CACNA1A: variants seen among roughly 807,000 people sequenced by gnomAD.
CACNA1A encodes the protein calcium voltage-gated channel subunit alpha1 A.
A neutral mutation model predicts 262.4 loss-of-function variants in CACNA1A; 57 were observed. That is an observed-to-expected ratio of 0.22 (90% CI 0.18 to 0.27). The LOEUF (loss-of-function observed/expected upper bound fraction) is 0.27. CACNA1A is among the 10% of genes least tolerant of loss of function. The probability of loss-of-function intolerance (pLI) is 1.00; values close to 1 mark genes in which losing one functional copy is unlikely to be tolerated. For synonymous variants in CACNA1A, 1,431 were observed against 1,419.3 expected, an observed-to-expected ratio of 1.01 and a Z score of -0.18; for missense variants, 2,526 against 3,562.8, an observed-to-expected ratio of 0.71 and a Z score of 7.41.
At chr19:13,444,243 C>A (rs906215338) in intron 3 of CACNA1A, among the ~76,000 whole-genome samples, 11 of 152,074 alleles carry the variant, frequency 7.2e-5, no homozygotes, top group African/African-American at 2.7e-4. Flanking sequence ...GATGACTGAT[C>A]CATGGAGGGG....
At chr19:13,445,043 G>C (rs186396960) in intron 3 of CACNA1A, among the ~76,000 whole-genome samples, 1 of 151,878 alleles carries the variant, frequency 6.6e-6, no homozygotes, top group Non-Finnish European at 1.5e-5. Flanking sequence ...AGAAGGCTGA[G>C]GCAGGAGAAT....
chr19:13,239,462 C>G (rs1015142071), intron 31 of CACNA1A, among the ~76,000 whole-genome samples: 1 of 152,212 alleles, frequency 6.6e-6, no homozygotes, highest in Non-Finnish European at 1.5e-5. Flanking sequence ...CTGCCTCCCC[C>G]ACCTGACTGT....
At chr19:13,254,382 G>A (rs2056486277) in intron 29 of CACNA1A, among the ~76,000 whole-genome samples, 1 of 149,408 alleles carries the variant, frequency 6.7e-6, no homozygotes, top group South Asian at 2.1e-4. Context: ...TTTTTTTTGA[G>A]ATGGAGTCTT....
At position 13,444,861 on chromosome 19, in the gene CACNA1A, G is replaced by A. The variant is rs116454490; in HGVS notation, c.539+8015C>T. On this transcript the variant is annotated intron_variant, in intron 3 of 46. Coordinates refer to ENST00000360228, the MANE Select transcript of CACNA1A (RefSeq NM_001127222.2). ...GCCTTAAAATCCAATGATGCGGCCC[G>A]GTGCGGTGGCTCACGCTTGTAATCT... Among the ~76,000 whole-genome samples the A allele has an allele frequency of 6.7e-3, 1,023 of 152,202 alleles. 17 individuals are homozygous for A. The highest frequency in any genetic ancestry group is 0.022 in the African/African-American group (922 of 41,522).
At chr19:13,292,875 C>G (rs2057574062) in intron 19 of CACNA1A, among the ~76,000 whole-genome samples, 1 of 152,018 alleles carries the variant, frequency 6.6e-6, no homozygotes, top group African/African-American at 2.4e-5. Flanking sequence ...TCTTCATGAA[C>G]TTTTATTTCC....
chr19:13,424,793 T>A (rs1159522012), intron 3 of CACNA1A, among the ~76,000 whole-genome samples: 1 of 151,124 alleles, frequency 6.6e-6, no homozygotes, highest in Admixed American at 6.6e-5. Context: ...TTTTAAATAA[T>A]CCACACAACA....
At chr19:13,503,378 C>T (rs1021406709) in intron 1 of CACNA1A, among the ~76,000 whole-genome samples, 2 of 151,974 alleles carry the variant, frequency 1.3e-5, no homozygotes, top group South Asian at 2.1e-4. Context: ...AAAATCTATG[C>T]ATCTGAATAT....
intron 38 of CACNA1A, among the ~76,000 whole-genome samples, chr19:13,218,350 G>T (rs1424389493): frequency 6.6e-6 from 1 of 152,174 alleles, no homozygotes; most frequent in African/African-American, 2.4e-5. Context: ...TGGAGACTGA[G>T]TAACTACGTC....
intron 4 of CACNA1A, among the ~76,000 whole-genome samples, chr19:13,367,865 C>A (rs2144538368): frequency 6.6e-6 from 1 of 152,272 alleles, no homozygotes; most frequent in Non-Finnish European, 1.5e-5. Context: ...TCCTACCAAG[C>A]TCAGCCTCCA....
chr19:13,240,368 A>G (rs1271291570), intron 31 of CACNA1A, among the ~76,000 whole-genome samples: 1 of 151,760 alleles, frequency 6.6e-6, no homozygotes, highest in Non-Finnish European at 1.5e-5. Flanking sequence ...CTCTGTGTGC[A>G]GTGACTGTGT....
intron 6 of CACNA1A, among the ~76,000 whole-genome samples, chr19:13,344,908 C>T (rs972491107): frequency 1.3e-5 from 2 of 150,784 alleles, no homozygotes; most frequent in Non-Finnish European, 2.9e-5. Flanking sequence ...GCACGCACCA[C>T]CACGCTCAGC....
intron 3 of CACNA1A, among the ~76,000 whole-genome samples, chr19:13,399,199 GTATTAT>G (rs887408170): frequency 2.0e-5 from 3 of 152,166 alleles, no homozygotes; most frequent in Admixed American, 6.5e-5. Flanking sequence ...CTTTTTTCAA[GTATTAT>G]TATTATCACC....
rs555830227 is a variant in CACNA1A at position 13,457,616 on chromosome 19, C to T, written c.294-2404G>A. Among the ~76,000 whole-genome samples the T allele has an allele frequency of 1.2e-4, 18 of 152,040 alleles. No individual in the cohort carries two copies. In the South Asian group the frequency reaches 2.3e-3, roughly 19 times the overall value. On this transcript the variant is annotated intron_variant, in intron 1 of 46. Transcript: ENST00000360228. ...CTGTAATCCCAGCACTTTGGAAGGCCGAGGCAGGCAGATCACCTGAGGTTG... is the reference window on the plus strand; with the variant it reads ...CTGTAATCCCAGCACTTTGGAAGGCTGAGGCAGGCAGATCACCTGAGGTTG...
rs2060667322 is a variant in CACNA1A at position 13,439,183 on chromosome 19, A to G, written c.539+13693T>C. 2.8e-5 allele frequency among the ~76,000 whole-genome samples: 4 copies of G among 141,244 alleles called. No individual in the cohort carries two copies. The South Asian group carries it at 8.9e-4, about 31-fold the overall frequency. 92.7% of individuals were successfully genotyped at this position (141,244 alleles called of 152,430 possible). A position where few individuals can be genotyped will look rare whatever the true frequency, so the allele number is the denominator to read the frequency against. On this transcript the variant is annotated intron_variant, in intron 3 of 46. Transcript: ENST00000360228. The stretch of plus-strand genomic sequence containing the variant: ...GAGTGCAGTGGTGCGATCTTGGCTT[A>G]TTGCAAGCTCCGCCTCCCAGGTTCA...
At position 13,212,827 on chromosome 19, in the gene CACNA1A, T is replaced by TACACACACACACACACACAC. The variant is rs61178346; in HGVS notation, c.5941-107_5941-88dup. The TACACACACACACACACACAC allele has an allele frequency of 9.2e-4, 479 of 518,368 alleles. 1 individual carries two copies. The highest frequency in any genetic ancestry group is 8.8e-3 in the African/African-American group (440 of 50,020). 32.1% of individuals were successfully genotyped at this position (518,368 alleles called of 1,614,324 possible). ...AGAAGGCATTGCGACATCCCCAGTA[T>TACACACACACACACACACAC]ACACACACACACACACACACACTCT... On this transcript the variant is annotated intron_variant, in intron 40 of 46. Coordinates refer to ENST00000360228, the MANE Select transcript of CACNA1A (RefSeq NM_001127222.2). The surrounding 1 kb of genome is among the most constrained non-coding windows in gnomAD (Gnocchi z 5.6).
chr19:13,421,604 G>A (rs1331344469), intron 3 of CACNA1A, among the ~76,000 whole-genome samples: 1 of 152,116 alleles, frequency 6.6e-6, no homozygotes, highest in Non-Finnish European at 1.5e-5. Flanking sequence ...TGAAGACAGA[G>A]GGATTCATGC....
chr19:13,464,751 T>C (rs2061195656), intron 1 of CACNA1A, among the ~76,000 whole-genome samples: 3 of 151,838 alleles, frequency 2.0e-5, no homozygotes, highest in East Asian at 2.0e-4. Flanking sequence ...GGTTTCACCG[T>C]GTTAGCCAGG....
chr19:13,257,260 C>T, intron 28 of CACNA1A, 90 bp downstream of exon 28: 1 of 1,041,230 alleles, frequency 9.6e-7, no homozygotes, highest in South Asian at 1.5e-5. Context: ...CCCCAGGTAC[C>T]CCTAGAAAGG....
At chr19:13,228,206 C>G (rs2055537629) in intron 36 of CACNA1A, among the ~76,000 whole-genome samples, 1 of 151,972 alleles carries the variant, frequency 6.6e-6, no homozygotes, top group Non-Finnish European at 1.5e-5. Flanking sequence ...CTGCGCCCGG[C>G]CATCACTGTT....
Sources: allele counts gnomAD v4.1 joint callset (sites outside exome capture counted in the v4.1 genomes callset), GRCh38; gene constraint gnomAD v4.1.1; non-coding constraint Gnocchi (gnomAD v3.1); transcripts MANE v1.5; gene names NCBI Gene and HGNC (gene_info 2026-07-23, HGNC 2026-07-21).